Variants in SH3PXD2A observed in about 807,000 individuals in gnomAD.
The protein encoded by SH3PXD2A is SH3 and PX domains 2A.
Under a neutral mutation model 115.2 loss-of-function variants are expected in SH3PXD2A, and 32 were observed. The observed-to-expected ratio is 0.28, with a 90% confidence interval of 0.21 to 0.37. The LOEUF (loss-of-function observed/expected upper bound fraction) is 0.37, where lower values mean the gene tolerates loss of function less well. Among genes scored for constraint, SH3PXD2A ranks in the 10% least tolerant of loss-of-function variants. The probability of loss-of-function intolerance (pLI) is 1.00; values close to 1 mark genes in which losing one functional copy is unlikely to be tolerated. For missense variants in SH3PXD2A, 1,328 were observed against 1,498.7 expected (o/e 0.89, Z 1.88); for synonymous variants, 610 against 629.1 (o/e 0.97, Z 0.45).
intron 3 of SH3PXD2A, among the ~76,000 whole-genome samples, chr10:103,742,826 TG>T (rs917891392): frequency 6.6e-6 from 1 of 151,732 alleles, no homozygotes; most frequent in Non-Finnish European, 1.5e-5. Flanking sequence ...GCCGAGAGAA[TG>T]GGGGGGCGGG....
intron 8 of SH3PXD2A, among the ~76,000 whole-genome samples, chr10:103,651,021 G>A (rs770275713): frequency 3.9e-5 from 6 of 152,246 alleles, no homozygotes; most frequent in Non-Finnish European, 8.8e-5. Flanking sequence ...CCTGCATATA[G>A]GATTTCACTG....
rs1708022075 is a variant in SH3PXD2A, at chr10:103,599,319, A to T, written c.*2497T>A. On this transcript the variant is annotated 3_prime_UTR_variant, in exon 15 of 15. Coordinates refer to ENST00000369774, the MANE Select transcript of SH3PXD2A (RefSeq NM_001394015.1). ...GGCAGTGCAGGTGGTGGGGAAGGGC[A>T]GGAAAGGCAGGCTCTCGGGAGCACT... is the stretch of plus-strand genomic sequence containing the variant. The T allele has an allele frequency of 6.6e-6, 1 of 152,516 alleles. No homozygotes were observed. Among genetic ancestry groups the T allele is most frequent in the South Asian group, 2.1e-4 (1 of 4,806 alleles). 9.4% of individuals were successfully genotyped at this position (152,516 alleles called of 1,614,324 possible).
At chr10:103,801,460 A>G (rs937967231) in intron 1 of SH3PXD2A, 98 bp from the exon 2 acceptor site, 1 of 737,310 alleles carries the variant, frequency 1.4e-6, no homozygotes, top group South Asian at 1.5e-5. Context: ...ATATGGCAGG[A>G]CCACTCTTTT....
At chr10:103,837,873 G>A (rs2039560834) in intron 1 of SH3PXD2A, among the ~76,000 whole-genome samples, 1 of 152,176 alleles carries the variant, frequency 6.6e-6, no homozygotes, top group African/African-American at 2.4e-5. Flanking sequence ...GCTCTCGAGA[G>A]GAGAGTGCAG....
At chr10:103,630,537 A>G (rs976563314) in intron 8 of SH3PXD2A, among the ~76,000 whole-genome samples, 7 of 151,902 alleles carry the variant, frequency 4.6e-5, no homozygotes, top group African/African-American at 1.7e-4. Flanking sequence ...ATGATCTAAA[A>G]CCTGAGTCCC....
intron 3 of SH3PXD2A, among the ~76,000 whole-genome samples, chr10:103,743,464 C>G (rs2038466026): frequency 6.6e-6 from 1 of 152,120 alleles, no homozygotes; most frequent in Non-Finnish European, 1.5e-5. Flanking sequence ...TATCATGGCT[C>G]ACTTCAGCCT....
intron 5 of SH3PXD2A, among the ~76,000 whole-genome samples, chr10:103,696,143 T>TG (rs2037821732): frequency 6.6e-6 from 1 of 152,042 alleles, no homozygotes; most frequent in Admixed American, 6.6e-5. Flanking sequence ...GTCCTGGCAG[T>TG]GGGGGTCACC....
Position 103,639,558 on chromosome 10 carries a change from C to G in SH3PXD2A, c.605-12356G>C, listed in dbSNP as rs560244112. Among the ~76,000 whole-genome samples the G allele has an allele frequency of 3.4e-5, 5 of 146,754 alleles. No individual in the cohort carries two copies. In the East Asian group the frequency reaches 1.0e-3, roughly 30 times the overall value. ...CTGGGAAGCGGAGGTTGCAGTGAGC[C>G]AAGATCGTGCCACTGCACTCCAGCC... On this transcript the variant is annotated intron_variant, in intron 8 of 14. Transcript: ENST00000369774.
At chr10:103,749,930 C>G (rs1317896689) in intron 3 of SH3PXD2A, 1 of 152,276 alleles carries the variant, frequency 6.6e-6, no homozygotes, top group African/African-American at 2.4e-5. Context: ...GGTGGGTCCT[C>G]TAACTGCAGT....
intron 1 of SH3PXD2A, among the ~76,000 whole-genome samples, chr10:103,816,236 T>C (rs917288405): frequency 6.6e-6 from 1 of 152,218 alleles, no homozygotes; most frequent in Non-Finnish European, 1.5e-5. Flanking sequence ...CATTATGTAT[T>C]GTGTATTAAA....
In SH3PXD2A at chr10:103,603,595, G is replaced by A. The variant is rs1376919680; in HGVS notation, c.1623C>T (p.Ala541=). ...TCCGCGGGGAGTCCTGGCTCTCACT[G>A]GCCCCCGTAGGGCCCTCCTCGGCCT... ...PKEAEEGPTG[A]SESQDSPRKL... The change falls in exon 15 of 15, where the codon GCC becomes GCT. Residue 541 remains alanine, a synonymous_variant. Transcript: ENST00000369774. The A allele has an allele frequency of 1.2e-6, 2 of 1,606,268 alleles. No homozygotes were observed. The highest frequency in any genetic ancestry group is 2.7e-5 in the African/African-American group (2 of 74,680).
chr10:103,833,311 C>T (rs556471451), intron 1 of SH3PXD2A, among the ~76,000 whole-genome samples: 1 of 152,130 alleles, frequency 6.6e-6, no homozygotes, highest in Non-Finnish European at 1.5e-5. Context: ...GTAAACATCA[C>T]TTCTCATTTG....
intron 8 of SH3PXD2A, among the ~76,000 whole-genome samples, chr10:103,660,591 C>G (rs1204137470): frequency 6.6e-6 from 1 of 152,224 alleles, no homozygotes; most frequent in Non-Finnish European, 1.5e-5. Flanking sequence ...TCCCCACCAG[C>G]TGGCTGGGCT....
chr10:103,780,799 A>C (rs531919779), intron 2 of SH3PXD2A, among the ~76,000 whole-genome samples: 1 of 152,298 alleles, frequency 6.6e-6, no homozygotes, highest in Admixed American at 6.5e-5. Context: ...AGGCAAGGAG[A>C]GTGCTAAGTT....
At chr10:103,814,833 CAT>C (rs2039307453) in intron 1 of SH3PXD2A, among the ~76,000 whole-genome samples, 1 of 152,210 alleles carries the variant, frequency 6.6e-6, no homozygotes. Context: ...CAACAGACAA[CAT>C]GTCAGACCAT....
chr10:103,789,174 G>T (rs908238929), intron 2 of SH3PXD2A, among the ~76,000 whole-genome samples: 1 of 33,162 alleles, frequency 3.0e-5, no homozygotes, highest in African/African-American at 8.9e-5. Flanking sequence ...CAGTGGGGGA[G>T]GATGGGGGGG....
intron 6 of SH3PXD2A, among the ~76,000 whole-genome samples, chr10:103,680,345 C>T (rs995052573): frequency 3.3e-5 from 5 of 151,752 alleles, no homozygotes; most frequent in East Asian, 1.9e-4. Flanking sequence ...TGCAGTGGTG[C>T]GATCACCATT....
At position 103,735,776 on chromosome 10, in the gene SH3PXD2A, C is replaced by T. The variant is rs769645818; in HGVS notation, c.262G>A (p.Asp88Asn). Residue 88 changes from aspartate (D) to asparagine (N), a missense_variant, in exon 4 of 15, where the codon GAC becomes AAC. Physicochemically the swap from Asp to Asn is conservative, Grantham distance 23. Coordinates refer to ENST00000369774, the MANE Select transcript of SH3PXD2A (RefSeq NM_001394015.1). ...GGCTTCAGTCTCTTCACAGCTACGT[C>T]CCGGATGTGGCTTCTGCGGAAGAGG... ...KILFRRSHIR[D>N]VAVKRLKPID... is the part of the protein sequence containing the mutation. The T allele has an allele frequency of 6.2e-7, 1 of 1,613,774 alleles. No homozygotes were observed. Among genetic ancestry groups the T allele is most frequent in the South Asian group, 1.1e-5 (1 of 91,072 alleles).
intron 3 of SH3PXD2A, among the ~76,000 whole-genome samples, chr10:103,759,370 A>G (rs1355193526): frequency 6.6e-6 from 1 of 152,184 alleles, no homozygotes; most frequent in East Asian, 1.9e-4. Flanking sequence ...ATGGTTATAG[A>G]TTCACTTTTC....
Sources: allele counts gnomAD v4.1 joint callset (sites outside exome capture counted in the v4.1 genomes callset), GRCh38; gene constraint gnomAD v4.1.1; transcripts MANE v1.5; gene names NCBI Gene and HGNC (gene_info 2026-07-23, HGNC 2026-07-21).